The following ADCK1 variants were observed in gnomAD, a reference collection of about 807,000 sequenced individuals.
ADCK1 encodes the protein aarF domain containing kinase 1.
ADCK1 carries 41 observed loss-of-function variants against 52.3 expected under a neutral mutation model. That is an observed-to-expected ratio of 0.78 (90% CI 0.61 to 1.02). The LOEUF (loss-of-function observed/expected upper bound fraction) is 1.02, where lower values mean the gene tolerates loss of function less well. Ranked by LOEUF, ADCK1 falls within the 50% of genes least tolerant of loss-of-function variation. The pLI, the probability that ADCK1 is intolerant of heterozygous loss-of-function variation, is 0.00. For missense variants in ADCK1, 658 were observed against 679.5 expected (o/e 0.97, Z 0.35); for synonymous variants, 250 against 274.6 (o/e 0.91, Z 0.89).
intron 1 of ADCK1, among the ~76,000 whole-genome samples, chr14:77,800,784 T>A (rs575637670): frequency 6.6e-6 from 1 of 152,390 alleles, no homozygotes; most frequent in Non-Finnish European, 1.5e-5. Context: ...CTCCCAGGGT[T>A]AAGTGGCATT....
rs147126229 is a variant in ADCK1, at chr14:77,931,689, T to G, written c.1378T>G (p.Cys460Gly). The change falls in exon 10 of 11, where the codon TGC becomes GGC. Residue 460 changes from cysteine to glycine, a missense_variant. By Grantham distance (159) the Cys-to-Gly change is radical. Transcript: ENST00000238561. ...CAGCTCCTTTCTCAACATGTCACGT[T>G]GCTGCATCAGAGCGCTAGCTGAGTG... ...SASSFLNMSR[C>G]CIRALAEHKK... The G allele has an allele frequency of 1.0e-5, 16 of 1,605,434 alleles. No homozygotes were observed. The highest frequency in any genetic ancestry group is 1.4e-5 in the Non-Finnish European group (16 of 1,179,964).
At chr14:77,819,175 A>G in intron 2 of ADCK1, 62 bp downstream of exon 2, 1 of 1,602,068 alleles carries the variant, frequency 6.2e-7, no homozygotes, top group Non-Finnish European at 8.5e-7. Flanking sequence ...GTGTTCATAC[A>G]TGTAGCAGAT....
At chr14:77,866,615 C>T (rs925979795) in intron 4 of ADCK1, among the ~76,000 whole-genome samples, 5 of 152,172 alleles carry the variant, frequency 3.3e-5, no homozygotes, top group Admixed American at 3.3e-4. Flanking sequence ...CCAGGCAGGG[C>T]TAATTCCATG....
At chr14:77,870,186 T>A (rs957481504) in intron 4 of ADCK1, among the ~76,000 whole-genome samples, 1 of 152,246 alleles carries the variant, frequency 6.6e-6, no homozygotes, top group African/African-American at 2.4e-5. Flanking sequence ...AGATTACCAT[T>A]CTGGTTTTCC....
intron 7 of ADCK1, among the ~76,000 whole-genome samples, chr14:77,915,381 C>T (rs1311165827): frequency 2.0e-5 from 3 of 150,110 alleles, no homozygotes; most frequent in South Asian, 2.2e-4. Context: ...TGATGTTCCC[C>T]TTCCTGTGTT....
intron 1 of ADCK1, among the ~76,000 whole-genome samples, chr14:77,811,652 A>G (rs1287715675): frequency 6.6e-6 from 1 of 152,142 alleles, no homozygotes; most frequent in Non-Finnish European, 1.5e-5. Flanking sequence ...AATTGATACA[A>G]AACAATATTA....
intron 5 of ADCK1, among the ~76,000 whole-genome samples, chr14:77,893,579 T>C (rs925638740): frequency 6.6e-6 from 1 of 152,084 alleles, no homozygotes; most frequent in African/African-American, 2.4e-5. Context: ...TGGGACTCTT[T>C]GGCCTGAGCA....
intron 3 of ADCK1, among the ~76,000 whole-genome samples, chr14:77,832,262 C>T (rs983445200): frequency 1.3e-5 from 2 of 152,226 alleles, no homozygotes; most frequent in African/African-American, 2.4e-5. Flanking sequence ...GGATTATAGG[C>T]GTGAGCCACC....
intron 10 of ADCK1, among the ~76,000 whole-genome samples, chr14:77,932,605 A>G (rs1444492210): frequency 6.6e-6 from 1 of 152,226 alleles, no homozygotes; most frequent in East Asian, 1.9e-4. Context: ...TTGACCACGT[A>G]TATCACGTAC....
chr14:77,899,041 G>A, intron 5 of ADCK1, 59 bp from the exon 6 acceptor site: 1 of 1,599,876 alleles, frequency 6.3e-7, no homozygotes, highest in South Asian at 1.1e-5. Flanking sequence ...CAGGAAGGTA[G>A]GGAATGTCCC....
intron 7 of ADCK1, among the ~76,000 whole-genome samples, chr14:77,909,879 C>G (rs1285830853): frequency 1.3e-5 from 2 of 152,168 alleles, no homozygotes; most frequent in Non-Finnish European, 2.9e-5. Context: ...CTCATTGTCT[C>G]CATTTTGCAG....
intron 1 of ADCK1, among the ~76,000 whole-genome samples, chr14:77,801,338 C>T (rs2081105573): frequency 1.3e-5 from 2 of 152,244 alleles, no homozygotes; most frequent in African/African-American, 4.8e-5. Flanking sequence ...AAAGCACTAT[C>T]TCTTCACACC....
chr14:77,888,162 G>T (rs1326105208), intron 5 of ADCK1, among the ~76,000 whole-genome samples: 1 of 152,072 alleles, frequency 6.6e-6, no homozygotes, highest in African/African-American at 2.4e-5. Flanking sequence ...GGGCACCAAG[G>T]GGGCTGCAGC....
intron 1 of ADCK1, among the ~76,000 whole-genome samples, chr14:77,808,493 G>A (rs1018897511): frequency 2.0e-5 from 3 of 152,226 alleles, no homozygotes; most frequent in African/African-American, 4.8e-5. Flanking sequence ...GGTTTAACAT[G>A]CCTCTGGCCT....
At chr14:77,851,945 T>A (rs536385342) in intron 3 of ADCK1, among the ~76,000 whole-genome samples, 16 of 152,114 alleles carry the variant, frequency 1.1e-4, no homozygotes, top group Non-Finnish European at 1.9e-4. Context: ...TATTTTTATC[T>A]GGTTTCATTT....
Position 77,880,274 on chromosome 14 carries a change from G to C in ADCK1, c.424-6817G>C, listed in dbSNP as rs1385729060. Among the ~76,000 whole-genome samples, 3 of 152,250 alleles carry C rather than the reference G, an allele frequency of 2.0e-5. No individual in the cohort carries two copies. In the East Asian group the frequency reaches 5.8e-4, roughly 29 times the overall value. ...TGGCCTTGTGCCAGGAGGCGGTTCA[G>C]CAATTGGCAAGCATTGTGCCAGCCT... On this transcript the variant is annotated intron_variant, in intron 4 of 10. Transcript: ENST00000238561.
At chr14:77,832,197 C>T (rs1021141502) in intron 3 of ADCK1, among the ~76,000 whole-genome samples, 6 of 152,104 alleles carry the variant, frequency 3.9e-5, no homozygotes, top group East Asian at 3.9e-4. Flanking sequence ...AGGCTGGTCT[C>T]GAACTCCTGA....
At chr14:77,811,776 TCCAG>T (rs2081342964) in intron 1 of ADCK1, among the ~76,000 whole-genome samples, 1 of 152,128 alleles carries the variant, frequency 6.6e-6, no homozygotes, top group South Asian at 2.1e-4. Context: ...ACCACTGTAC[TCCAG>T]CCTGAGTGGC....
At chr14:77,836,762 T>C (rs1358086014) in intron 3 of ADCK1, among the ~76,000 whole-genome samples, 1 of 53,742 alleles carries the variant, frequency 1.9e-5, no homozygotes, top group African/African-American at 5.7e-5. Flanking sequence ...CTACCTTTTC[T>C]TTCTTTCTTT....
Sources: allele counts gnomAD v4.1 joint callset (sites outside exome capture counted in the v4.1 genomes callset), GRCh38; gene constraint gnomAD v4.1.1; transcripts MANE v1.5; gene names NCBI Gene and HGNC (gene_info 2026-07-23, HGNC 2026-07-21).